Variants in CLASP1 observed in about 807,000 individuals in gnomAD.
CLASP1 encodes the protein CLIP-associating protein 1.
In CLASP1, 38 loss-of-function variants were observed where a neutral mutation model predicts 192.3. That is an observed-to-expected ratio of 0.20 (90% confidence interval 0.15 to 0.26). CLASP1 has a LOEUF of 0.26. Ranked by LOEUF, CLASP1 falls within the 10% of genes least tolerant of loss-of-function variation. CLASP1 has a pLI of 1.00. For missense variants in CLASP1, 1,433 were observed against 1,932.5 expected, an observed-to-expected ratio of 0.74 and a Z score of 4.85; for synonymous variants, 691 against 712.8, an observed-to-expected ratio of 0.97 and a Z score of 0.49.
intron 1 of CLASP1, among the ~76,000 whole-genome samples, chr2:121,620,189 C>G (rs1481218939): frequency 6.6e-6 from 1 of 150,942 alleles, no homozygotes; most frequent in East Asian, 2.0e-4. Flanking sequence ...CCGCTGCACT[C>G]CAGCCTGGGC....
chr2:121,462,467 G>A (rs1386561593), intron 10 of CLASP1, 65 bp downstream of exon 10: 2 of 925,146 alleles, frequency 2.2e-6, no homozygotes, highest in Non-Finnish European at 1.7e-6. Context: ...AGGCAGAATT[G>A]AAAAATAAAA....
chr2:121,412,254 A>G (rs555953204), intron 23 of CLASP1, among the ~76,000 whole-genome samples: 2 of 152,334 alleles, frequency 1.3e-5, no homozygotes, highest in African/African-American at 4.8e-5. Context: ...GAATTTTTTA[A>G]AAAGAAACAA....
chr2:121,367,816 C>T (rs757912999), exon 35 of CLASP1: 3 of 1,613,324 alleles, frequency 1.9e-6, no homozygotes, highest in East Asian at 4.5e-5. Flanking sequence ...GAGGCAGCGC[C>T]CCCATCGCGG....
intron 19 of CLASP1, chr2:121,445,017 T>C: frequency 8.5e-7 from 1 of 1,178,084 alleles, no homozygotes; most frequent in Non-Finnish European, 1.2e-6. Context: ...TTAGTAACAT[T>C]CAAAAAATTA....
intron 8 of CLASP1, among the ~76,000 whole-genome samples, chr2:121,478,766 ACACCC>A: frequency 2.3e-5 from 2 of 86,822 alleles, no homozygotes; most frequent in Admixed American, 1.2e-4. Context: ...CACACACCAC[ACACCC>A]CACACACACA....
intron 2 of CLASP1, chr2:121,530,942 A>AACGCCTGAACAACAC (rs1553615641): frequency 1.4e-6 from 1 of 700,302 alleles, no homozygotes. Flanking sequence ...CAGTACTGCT[A>AACGCCTGAACAACAC]ACGCCTGAAC....
At chr2:121,417,524 A>G (rs917895108) in intron 23 of CLASP1, among the ~76,000 whole-genome samples, 7 of 152,064 alleles carry the variant, frequency 4.6e-5, no homozygotes, top group South Asian at 2.1e-4. Context: ...ACTGCTGTGG[A>G]ATAGGTGACA....
chr2:121,407,276 G>A (rs558692756), intron 25 of CLASP1, among the ~76,000 whole-genome samples, 195 bp downstream of exon 26: 1 of 152,116 alleles, frequency 6.6e-6, no homozygotes, highest in East Asian at 1.9e-4. Flanking sequence ...GCAAATGGAT[G>A]GCAAAGCAAA....
intron 30 of CLASP1, among the ~76,000 whole-genome samples, chr2:121,391,665 G>A (rs1010866010): frequency 1.3e-5 from 2 of 152,180 alleles, no homozygotes; most frequent in African/African-American, 4.8e-5. Flanking sequence ...CACTTTGGGA[G>A]GCCAAGGTGG....
intron 22 of CLASP1, among the ~76,000 whole-genome samples, chr2:121,423,248 T>C (rs1303119246): frequency 6.6e-6 from 1 of 152,156 alleles, no homozygotes; most frequent in Non-Finnish European, 1.5e-5. Context: ...TTAATTAGCA[T>C]CAAGGAAATA....
In CLASP1 at chr2:121,598,545, A is replaced by AC. The variant is rs537540762; in HGVS notation, c.195+7155dup. On this transcript the variant is annotated intron_variant, in intron 2 of 39. Coordinates refer to ENST00000263710, the Ensembl canonical transcript of CLASP1. ...TGGGTTTTAAGGAAAAGTTTACTAA[A>AC]CCCTGTTCTTATGAAAGCAGCACTA... Among the ~76,000 whole-genome samples, 111 of 152,336 alleles carry AC rather than the reference A, an allele frequency of 7.3e-4. 1 individual carries two copies. Among genetic ancestry groups the AC allele is most frequent in the African/African-American group, 2.5e-3 (102 of 41,572 alleles).
chr2:121,401,392 T>C, intron 28 of CLASP1, 117 bp downstream of exon 29: 1 of 709,416 alleles, frequency 1.4e-6, no homozygotes, highest in Non-Finnish European at 2.3e-6. Flanking sequence ...AAGTGAGAAC[T>C]GAGTAAAAGA....
rs760226004 is a variant in CLASP1, at chr2:121,365,211, T to C, written c.3960A>G (p.Glu1320=). The change falls in exon 36 of 40, where the codon GAA becomes GAG. Residue 1320 remains glutamate (E), a synonymous_variant. Coordinates refer to ENST00000263710, the Ensembl canonical transcript of CLASP1. Reference sequence around the variant, plus strand: ...GCAGCTCCAGCAGGGCTCCCTTCCGTTCCTCCACTCGCTCATTGTGGTTGG... The same window carrying C: ...GCAGCTCCAGCAGGGCTCCCTTCCGCTCCTCCACTCGCTCATTGTGGTTGG... 5.6e-6 allele frequency: 9 copies of C among 1,613,664 alleles called. No individual in the cohort carries two copies. The Admixed American group carries it at 1.3e-4, about 24-fold the overall frequency.
intron 2 of CLASP1, chr2:121,530,870 T>C (rs753399436): frequency 1.6e-4 from 109 of 678,946 alleles, no homozygotes; most frequent in Admixed American, 2.1e-4. Flanking sequence ...GCCCAGGGAC[T>C]TTCTATTATA....
chr2:121,537,999 CACTT>C (rs554959940), intron 2 of CLASP1, among the ~76,000 whole-genome samples: 17 of 152,146 alleles, frequency 1.1e-4, no homozygotes, highest in Non-Finnish European at 1.6e-4. Flanking sequence ...AAAAGCATCA[CACTT>C]AATGATGAAA....
intron 9 of CLASP1, among the ~76,000 whole-genome samples, chr2:121,466,786 A>G (rs1187965286): frequency 6.6e-6 from 1 of 152,228 alleles, no homozygotes; most frequent in East Asian, 1.9e-4. Flanking sequence ...TGCTTGTAAG[A>G]ACAAAATGTG....
intron 19 of CLASP1, among the ~76,000 whole-genome samples, chr2:121,446,114 C>T (rs1454787609): frequency 6.6e-6 from 1 of 152,198 alleles, no homozygotes; most frequent in East Asian, 1.9e-4. Flanking sequence ...AATTTCTTCT[C>T]AATTGTTATG....
At position 121,434,019 on chromosome 2, in the gene CLASP1, G is replaced by A. The variant is rs756631226; in HGVS notation, c.1913-3842C>T. Among the ~76,000 whole-genome samples, 194 of 152,244 alleles carry A rather than the reference G, an allele frequency of 1.3e-3. 1 individual carries two copies. The highest frequency in any genetic ancestry group is 2.2e-3 in the Non-Finnish European group (147 of 68,004). On this transcript the variant is annotated intron_variant, in intron 19 of 39. Coordinates refer to ENST00000263710, the Ensembl canonical transcript of CLASP1. Reference sequence around the variant, plus strand: ...ATACAACTTGTGTGCGAAACCATCTGAGCATGGCAGGAATTTTTGGAGTAT... The same window carrying A: ...ATACAACTTGTGTGCGAAACCATCTAAGCATGGCAGGAATTTTTGGAGTAT...
chr2:121,457,567 C>T (rs1445853745), intron 14 of CLASP1, 120 bp downstream of exon 14: 3 of 702,062 alleles, frequency 4.3e-6, no homozygotes, highest in Non-Finnish European at 7.3e-6. Context: ...TCATTTACTG[C>T]AGTGATTTTA....
Sources: allele counts gnomAD v4.1 joint callset (sites outside exome capture counted in the v4.1 genomes callset), GRCh38; gene constraint gnomAD v4.1.1; transcripts MANE v1.5; gene names NCBI Gene and HGNC (gene_info 2026-07-23, HGNC 2026-07-21).